The following ADGRL2 variants were observed in gnomAD, a reference collection of about 807,000 sequenced individuals.
ADGRL2 encodes adhesion G protein-coupled receptor L2.
A neutral mutation model predicts 157.4 loss-of-function variants in ADGRL2; 44 were observed. That is an observed-to-expected ratio of 0.28 (90% CI 0.22 to 0.36). The LOEUF (loss-of-function observed/expected upper bound fraction) is 0.36. ADGRL2 is among the 10% of genes least tolerant of loss of function. The probability of loss-of-function intolerance (pLI) is 1.00; values close to 1 mark genes in which losing one functional copy is unlikely to be tolerated. For synonymous variants in ADGRL2, 585 were observed against 624.7 expected (o/e 0.94, Z 0.95); for missense variants, 1,510 against 1,768.9 (o/e 0.85, Z 2.63).
chr1:81,704,361 C>T (rs2083666331), intron 1 of ADGRL2, among the ~76,000 whole-genome samples: 1 of 152,190 alleles, frequency 6.6e-6, no homozygotes, highest in African/African-American at 2.4e-5. Context: ...GAGCATAGCA[C>T]ATCAGTCACT....
chr1:81,331,087 A>G (rs1306408004), intron 1 of ADGRL2, among the ~76,000 whole-genome samples: 5 of 152,162 alleles, frequency 3.3e-5, no homozygotes, highest in Non-Finnish European at 7.4e-5. Flanking sequence ...ATTTGATGAT[A>G]ATGAGTATTT....
intron 1 of ADGRL2, among the ~76,000 whole-genome samples, chr1:81,359,392 C>G (rs2075934965): frequency 6.6e-6 from 1 of 151,970 alleles, no homozygotes; most frequent in South Asian, 2.1e-4. Context: ...TCTTTGGGTA[C>G]CTATCGTCTT....
chr1:81,413,400 T>C (rs2076981554), intron 1 of ADGRL2, among the ~76,000 whole-genome samples: 1 of 152,032 alleles, frequency 6.6e-6, no homozygotes, highest in African/African-American at 2.4e-5. Context: ...GGAAAAAAAA[T>C]GTTTTTGTCA....
intron 3 of ADGRL2, among the ~76,000 whole-genome samples, chr1:81,674,542 G>A (rs1346979811): frequency 6.6e-6 from 1 of 152,170 alleles, no homozygotes; most frequent in Non-Finnish European, 1.5e-5. Context: ...AGCAAAAGGG[G>A]ACACCAAATT....
At chr1:81,984,837 T>C in intron 20 of ADGRL2, 126 bp downstream of exon 20, 1 of 1,125,354 alleles carries the variant, frequency 8.9e-7, no homozygotes, top group Non-Finnish European at 1.2e-6. Flanking sequence ...ACTTGCTTTT[T>C]TAGTATTTTG....
chr1:81,519,238 G>A (rs1191380304), intron 2 of ADGRL2, among the ~76,000 whole-genome samples: 1 of 152,182 alleles, frequency 6.6e-6, no homozygotes, highest in Non-Finnish European at 1.5e-5. Context: ...ATGTCTCAGA[G>A]TTGATTCTGT....
chr1:81,926,746 CA>C (rs1167785665), intron 3 of ADGRL2, among the ~76,000 whole-genome samples: 2 of 151,816 alleles, frequency 1.3e-5, no homozygotes, highest in Non-Finnish European at 2.9e-5. Context: ...GTGAATGAAA[CA>C]GTCTCAGTGG....
chr1:81,486,031 T>TATTCTTTACAAGAATATTTTA (rs1303833811), intron 2 of ADGRL2, among the ~76,000 whole-genome samples: 3 of 152,254 alleles, frequency 2.0e-5, no homozygotes, highest in African/African-American at 7.2e-5. Flanking sequence ...GCCACTGTGC[T>TATTCTTTACAAGAATATTTTA]AATATTCTTG....
At chr1:81,554,237 T>C (rs1283781235) in intron 2 of ADGRL2, among the ~76,000 whole-genome samples, 2 of 152,234 alleles carry the variant, frequency 1.3e-5, no homozygotes, top group Non-Finnish European at 2.9e-5. Flanking sequence ...GGATTCCAGC[T>C]GTAATCATGG....
At chr1:81,602,282 A>G (rs2081347528) in intron 3 of ADGRL2, among the ~76,000 whole-genome samples, 4 of 152,054 alleles carry the variant, frequency 2.6e-5, no homozygotes, top group Admixed American at 2.6e-4. Flanking sequence ...CCACATGATG[A>G]AACCCTGTCT....
chr1:81,682,853 C>T (rs755956002), intron 3 of ADGRL2, among the ~76,000 whole-genome samples: 1 of 152,124 alleles, frequency 6.6e-6, no homozygotes, highest in Non-Finnish European at 1.5e-5. Context: ...TGTTTTGGGC[C>T]GGGCGCAGTG....
chr1:81,412,817 A>G (rs1570897419), intron 1 of ADGRL2, among the ~76,000 whole-genome samples: 1 of 152,218 alleles, frequency 6.6e-6, no homozygotes, highest in Non-Finnish European at 1.5e-5. Context: ...GAAACATATG[A>G]GTCAGTCCAA....
intron 1 of ADGRL2, among the ~76,000 whole-genome samples, chr1:81,411,748 C>T (rs1463629380): frequency 2.0e-5 from 3 of 151,826 alleles, no homozygotes; most frequent in African/African-American, 4.8e-5. Flanking sequence ...GGCACAGTGG[C>T]GGGCGCCTGT....
At chr1:81,392,629 G>C (rs1403921709) in intron 1 of ADGRL2, among the ~76,000 whole-genome samples, 1 of 152,098 alleles carries the variant, frequency 6.6e-6, no homozygotes, top group East Asian at 1.9e-4. Flanking sequence ...CAACCTCTCT[G>C]CTGGAAGCAT....
At chr1:81,752,451 G>C (rs1245453307) in intron 1 of ADGRL2, among the ~76,000 whole-genome samples, 1 of 152,166 alleles carries the variant, frequency 6.6e-6, no homozygotes, top group Admixed American at 6.5e-5. Flanking sequence ...AAAGAAAAAG[G>C]CGCTATACTT....
At chr1:81,672,360 CTG>C (rs1432580240) in intron 3 of ADGRL2, among the ~76,000 whole-genome samples, 3 of 152,176 alleles carry the variant, frequency 2.0e-5, no homozygotes. Flanking sequence ...ATGCTGCTTC[CTG>C]GTAACTTTCT....
intron 2 of ADGRL2, among the ~76,000 whole-genome samples, chr1:81,767,893 G>T (rs1211611189): frequency 6.6e-6 from 1 of 151,138 alleles, no homozygotes; most frequent in East Asian, 1.9e-4. Context: ...AAATTGCTGG[G>T]TCATGGAGTA....
intron 3 of ADGRL2, among the ~76,000 whole-genome samples, chr1:81,681,480 C>T (rs190469064): frequency 1.3e-3 from 202 of 152,278 alleles, no homozygotes; most frequent in Admixed American, 2.6e-3. Context: ...TATTTCCTAT[C>T]GGATGTATCA....
At chr1:81,794,317 T>G (rs78004753) in intron 2 of ADGRL2, among the ~76,000 whole-genome samples, 1 of 152,270 alleles carries the variant, frequency 6.6e-6, no homozygotes, top group East Asian at 1.9e-4. Flanking sequence ...GGGGCACTCT[T>G]AATGCACTAA....
Sources: gnomAD v4.1 joint callset for allele counts (sites outside exome capture counted in the v4.1 genomes callset) on GRCh38, gnomAD v4.1.1 for gene constraint, MANE v1.5 for transcripts, NCBI Gene and HGNC (gene_info 2026-07-23, HGNC 2026-07-21) for gene names.